The following CRADD variants were observed in gnomAD, a reference collection of about 807,000 sequenced individuals.
The protein encoded by CRADD is CARD and death domain containing adaptor protein, also known as death domain-containing protein CRADD.
A neutral mutation model predicts 15.5 loss-of-function variants in CRADD; 9 were observed. The ratio of observed to expected loss-of-function variants is 0.58; its 90% CI spans 0.35 to 1.01. The LOEUF (loss-of-function observed/expected upper bound fraction) is 1.01, where lower values mean the gene tolerates loss of function less well. Among genes scored for constraint, CRADD ranks in the 50% least tolerant of loss-of-function variants. The pLI is 0.02. For synonymous variants in CRADD, 118 were observed against 107.6 expected, an observed-to-expected ratio of 1.10 and a Z score of -0.60; for missense variants, 227 against 250.3, an observed-to-expected ratio of 0.91 and a Z score of 0.63.
chr12:93,679,916 G>A (rs973195131), intron 2 of CRADD, among the ~76,000 whole-genome samples: 21 of 152,320 alleles, frequency 1.4e-4, no homozygotes, highest in Admixed American at 6.5e-4. Flanking sequence ...GGCTGACTTA[G>A]TTTGTTTTTA....
chr12:93,711,705 C>T (rs1488084757), intron 2 of CRADD, among the ~76,000 whole-genome samples: 1 of 151,634 alleles, frequency 6.6e-6, no homozygotes, highest in African/African-American at 2.4e-5. Flanking sequence ...GTTCTTCATT[C>T]AAGCCTCAGC....
chr12:93,682,198 C>T (rs201183039), intron 2 of CRADD, among the ~76,000 whole-genome samples: 33 of 152,220 alleles, frequency 2.2e-4, no homozygotes, highest in Admixed American at 1.6e-3. Context: ...CCTAAGACCT[C>T]GGTGCTTCTC....
At chr12:93,814,862 C>T (rs1286022998) in intron 2 of CRADD, among the ~76,000 whole-genome samples, 1 of 152,148 alleles carries the variant, frequency 6.6e-6, no homozygotes, top group Non-Finnish European at 1.5e-5. Flanking sequence ...ACAATGTTTT[C>T]TTAAAAAAAA....
chr12:93,827,968 T>C (rs1292049133), intron 2 of CRADD, among the ~76,000 whole-genome samples: 1 of 152,190 alleles, frequency 6.6e-6, no homozygotes, highest in African/African-American at 2.4e-5. Flanking sequence ...CTCAAATAAG[T>C]GGAATCATGT....
At chr12:93,761,007 G>A (rs183285651) in intron 2 of CRADD, among the ~76,000 whole-genome samples, 125 of 152,156 alleles carry the variant, frequency 8.2e-4, no homozygotes, top group African/African-American at 2.5e-3. Flanking sequence ...AGAGGAAGCC[G>A]CTGAGGTAGG....
intron 2 of CRADD, among the ~76,000 whole-genome samples, chr12:93,823,475 T>C (rs1957791262): frequency 6.6e-6 from 1 of 152,188 alleles, no homozygotes; most frequent in Non-Finnish European, 1.5e-5. Flanking sequence ...AACAATTTTT[T>C]CAAATTACTT....
chr12:93,739,274 A>G (rs1343090648), intron 2 of CRADD, among the ~76,000 whole-genome samples: 3 of 152,098 alleles, frequency 2.0e-5, no homozygotes, highest in Admixed American at 6.6e-5. Context: ...CCTTTTAAAA[A>G]TCTGCACCCT....
chr12:93,805,282 T>C (rs963344134), intron 2 of CRADD, among the ~76,000 whole-genome samples: 1 of 152,094 alleles, frequency 6.6e-6, no homozygotes, highest in East Asian at 1.9e-4. Context: ...TGAGTCTTTT[T>C]TTCTTAATAT....
rs993001908 is a variant in CRADD at position 93,682,961 on chromosome 12, A to G, written c.298+3889A>G. On this transcript the variant is annotated intron_variant, in intron 2 of 2. Transcript: ENST00000332896. Reference sequence around the variant, plus strand: ...CTTGGCACCGTGGAGAGAACACTTCATGGTTTGTCTCTCTGGCCAAGGTCA... The same window carrying G: ...CTTGGCACCGTGGAGAGAACACTTCGTGGTTTGTCTCTCTGGCCAAGGTCA... Among the ~76,000 whole-genome samples, 4 of 152,198 alleles carry G rather than the reference A, an allele frequency of 2.6e-5. 1 individual carries two copies. Among genetic ancestry groups the G allele is most frequent in the Admixed American group, 6.5e-5 (1 of 15,282 alleles).
chr12:93,720,663 C>T (rs186630921), intron 2 of CRADD, among the ~76,000 whole-genome samples: 14 of 152,246 alleles, frequency 9.2e-5, no homozygotes, highest in East Asian at 5.8e-4. Context: ...CATTTTGTAA[C>T]GCCTCTCTCT....
At chr12:93,720,639 A>G (rs1210548850) in intron 2 of CRADD, among the ~76,000 whole-genome samples, 1 of 152,198 alleles carries the variant, frequency 6.6e-6, no homozygotes, top group Non-Finnish European at 1.5e-5. Flanking sequence ...TTCTTGGAAT[A>G]TTGACCCCTT....
At chr12:93,838,513 C>G (rs1399387719) in intron 2 of CRADD, among the ~76,000 whole-genome samples, 1 of 151,086 alleles carries the variant, frequency 6.6e-6, no homozygotes, top group East Asian at 2.0e-4. Context: ...CTCTCTCACT[C>G]TCTCCCTCCC....
intron 2 of CRADD, among the ~76,000 whole-genome samples, chr12:93,712,386 T>G (rs1956090049): frequency 6.6e-6 from 1 of 152,200 alleles, no homozygotes. Context: ...TTTACATATC[T>G]TTTTTACAGC....
chr12:93,781,256 A>G (rs1472893522), intron 2 of CRADD, among the ~76,000 whole-genome samples: 1 of 152,134 alleles, frequency 6.6e-6, no homozygotes, highest in East Asian at 1.9e-4. Context: ...CAAAATTCTA[A>G]AGACACAAGA....
intron 2 of CRADD, among the ~76,000 whole-genome samples, chr12:93,692,036 G>T (rs1565873492): frequency 1.3e-5 from 2 of 151,968 alleles, no homozygotes; most frequent in Non-Finnish European, 2.9e-5. Context: ...TGTAGTCCAG[G>T]ACTTAAAGTA....
chr12:93,882,935 C>T (rs927399262), intron 2 of CRADD, among the ~76,000 whole-genome samples: 1 of 152,166 alleles, frequency 6.6e-6, no homozygotes, highest in Non-Finnish European at 1.5e-5. Context: ...CTTAAGGGTA[C>T]CCTCAGTCTT....
chr12:93,880,679 CTG>C (rs1958492333), intron 2 of CRADD, among the ~76,000 whole-genome samples: 1 of 151,204 alleles, frequency 6.6e-6, no homozygotes, highest in Non-Finnish European at 1.5e-5. Context: ...TTCGAAAGGA[CTG>C]TCTCTACAAA....
intron 2 of CRADD, among the ~76,000 whole-genome samples, chr12:93,792,745 GAGAC>G (rs1388447286): frequency 1.3e-5 from 2 of 152,142 alleles, no homozygotes; most frequent in African/African-American, 2.4e-5. Context: ...AGGAAACTGA[GAGAC>G]AGAAAAGTTA....
intron 2 of CRADD, among the ~76,000 whole-genome samples, chr12:93,706,003 T>C (rs913671332): frequency 2.1e-4 from 32 of 152,218 alleles, no homozygotes; most frequent in African/African-American, 7.5e-4. Context: ...CATTAAATAT[T>C]CTCATCAGAA....
Sources: allele counts gnomAD v4.1 joint callset (sites outside exome capture counted in the v4.1 genomes callset), GRCh38; gene constraint gnomAD v4.1.1; transcripts MANE v1.5; gene names NCBI Gene and HGNC (gene_info 2026-07-23, HGNC 2026-07-21).